Variants in ZNF831 observed in about 807,000 individuals in gnomAD.
ZNF831 encodes the protein chromosome 20 open reading frame 174.
ZNF831 carries 59 observed loss-of-function variants against 95.8 expected under a neutral mutation model. The ratio of observed to expected loss-of-function variants is 0.62; its 90% CI spans 0.50 to 0.77. The LOEUF (loss-of-function observed/expected upper bound fraction) is 0.77. Ranked by LOEUF, ZNF831 falls within the 30% of genes least tolerant of loss-of-function variation. The pLI, the probability that ZNF831 is intolerant of heterozygous loss-of-function variation, is 0.00. For synonymous variants in ZNF831, 961 were observed against 925.5 expected (o/e 1.04, Z -0.70); for missense variants, 2,205 against 2,164.0 (o/e 1.02, Z -0.38).
intron 2 of ZNF831, among the ~76,000 whole-genome samples, chr20:59,155,545 A>C (rs962574191): frequency 3.3e-5 from 5 of 152,160 alleles, no homozygotes; most frequent in Non-Finnish European, 5.9e-5. Flanking sequence ...GGGGTAGCAA[A>C]TTGGTTTTAG....
At chr20:59,162,105 A>G (rs1980908588), upstream of ZNF831, among the ~76,000 whole-genome samples, 1 of 151,912 alleles carries the variant, frequency 6.6e-6, no homozygotes, top group Non-Finnish European at 1.5e-5. Context: ...TCACTTTTTA[A>G]TGGTTTTGTT....
In ZNF831 at chr20:59,254,272, G is replaced by A. The variant is rs2146766924; in HGVS notation, c.4563G>A (p.Gly1521=). The A allele has an allele frequency of 6.2e-7, 1 of 1,614,032 alleles. No homozygotes were observed. Among genetic ancestry groups the A allele is most frequent in the Non-Finnish European group, 8.5e-7 (1 of 1,179,944 alleles). The change falls in exon 6 of 6, where the codon GGG becomes GGA. Residue 1521 remains glycine, a synonymous_variant. Transcript: ENST00000371030. This position sits in a 1 kb window ranked among gnomAD's most constrained non-coding sequence, Gnocchi z 4.5. ...CACGAGACCACAGCCAGACTGCAGGGAGGACTCTGACATCAAGCTCCCCAG... is the reference window on the plus strand; with the variant it reads ...CACGAGACCACAGCCAGACTGCAGGAAGGACTCTGACATCAAGCTCCCCAG... ...AESRDHSQTA[G]RTLTSSSPDS...
intron 1 of ZNF831, among the ~76,000 whole-genome samples, chr20:59,145,412 C>T (rs2146447897): frequency 6.6e-6 from 1 of 152,324 alleles, no homozygotes; most frequent in East Asian, 1.9e-4. Context: ...TATTGCAGGA[C>T]TTCTCAGAGC....
At chr20:59,157,939 C>G (rs1455883455) in intron 2 of ZNF831, among the ~76,000 whole-genome samples, 1 of 152,144 alleles carries the variant, frequency 6.6e-6, no homozygotes, top group Non-Finnish European at 1.5e-5. Context: ...CTTGTTGTAG[C>G]TGAAATATAA....
intron 1 of ZNF831, among the ~76,000 whole-genome samples, chr20:59,141,808 G>A (rs1979689383): frequency 6.6e-6 from 1 of 152,234 alleles, no homozygotes; most frequent in Non-Finnish European, 1.5e-5. Flanking sequence ...GTCAGCTAGA[G>A]CTGTACTGTC....
intron 1 of ZNF831, among the ~76,000 whole-genome samples, chr20:59,126,969 A>G (rs1300319013): frequency 4.6e-5 from 7 of 151,950 alleles, no homozygotes; most frequent in African/African-American, 1.7e-4. Context: ...CTCCATGTTT[A>G]TATTTCTGCC....
chr20:59,177,087 G>C (rs566059581), intron 1 of ZNF831, among the ~76,000 whole-genome samples: 1 of 152,310 alleles, frequency 6.6e-6, no homozygotes, highest in South Asian at 2.1e-4. Flanking sequence ...CTGGATGGCA[G>C]TTCTCATCCT....
intron 1 of ZNF831, among the ~76,000 whole-genome samples, chr20:59,129,776 C>G (rs973531976): frequency 1.3e-5 from 2 of 152,194 alleles, no homozygotes; most frequent in East Asian, 3.8e-4. Flanking sequence ...GAATGCTATA[C>G]ATTGACTCAC....
At chr20:59,163,414 C>T (rs748135453), upstream of ZNF831, among the ~76,000 whole-genome samples, 1 of 152,158 alleles carries the variant, frequency 6.6e-6, no homozygotes, top group Non-Finnish European at 1.5e-5. Context: ...CACCATTTTA[C>T]ATAAAGACAG....
rs1160531959 is a variant in ZNF831, at chr20:59,192,060, G to A, written c.1041G>A (p.Leu347=). The change falls in exon 2 of 6, where the codon CTG becomes CTA. Residue 347 remains leucine (L), a synonymous_variant. Coordinates refer to ENST00000371030, the MANE Select transcript of ZNF831 (RefSeq NM_178457.3). The surrounding 1 kb of genome is among the most constrained non-coding windows in gnomAD (Gnocchi z 5.2). ...RKCESTDSGY[L]SRSDSAEQPH... ...GTGAGAGCACCGACTCGGGGTACCT[G>A]TCGCGCTCCGACAGCGCGGAGCAGC... 1 of 1,607,268 alleles carries A rather than the reference G, an allele frequency of 6.2e-7. No individual in the cohort carries two copies. Among genetic ancestry groups the A allele is most frequent in the Non-Finnish European group, 8.5e-7 (1 of 1,179,036 alleles).
chr20:59,221,602 C>T (rs965080606), intron 4 of ZNF831, among the ~76,000 whole-genome samples: 6 of 152,212 alleles, frequency 3.9e-5, no homozygotes, highest in African/African-American at 1.4e-4. Flanking sequence ...CCCGTGGGGT[C>T]AGGAGGTGAT....
intron 1 of ZNF831, among the ~76,000 whole-genome samples, chr20:59,176,531 C>T (rs539459691): frequency 5.3e-5 from 8 of 152,204 alleles, no homozygotes; most frequent in Non-Finnish European, 1.2e-4. Flanking sequence ...CTCTTGCCAC[C>T]TGTCAGTCTG....
At chr20:59,197,963 C>A (rs923662049) in intron 3 of ZNF831, among the ~76,000 whole-genome samples, 1 of 152,098 alleles carries the variant, frequency 6.6e-6, no homozygotes, top group Admixed American at 6.5e-5. Context: ...AGTTGATGAG[C>A]CTGAAGCCTC....
chr20:59,192,665 G>A lies in ZNF831; in HGVS notation c.1646G>A (p.Ser549Asn), dbSNP rs2146569330. 1.3e-6 allele frequency: 2 copies of A among 1,539,206 alleles called. No individual in the cohort carries two copies. Among genetic ancestry groups the A allele is most frequent in the Non-Finnish European group, 1.7e-6 (2 of 1,144,380 alleles). Residue 549 changes from serine (S) to asparagine (N), a missense_variant, in exon 2 of 6, where the codon AGC becomes AAC. Transcript: ENST00000371030. This position sits in a 1 kb window ranked among gnomAD's most constrained non-coding sequence, Gnocchi z 5.2. ...CGCCTGGGCTGCCGCTCGGGACTAA[G>A]CTCGACTGACGTTCCCAGTGGGCAT... ...PARLGCRSGL[S>N]STDVPSGHPR...
rs115193355 is a variant in ZNF831 at position 59,125,512 on chromosome 20, C to T, written c.-1425+2007C>T. Among the ~76,000 whole-genome samples, 1,125 of 152,234 alleles carry T rather than the reference C, an allele frequency of 7.4e-3. 15 individuals are homozygous for T. Among genetic ancestry groups the T allele is most frequent in the African/African-American group, 0.025 (1,047 of 41,532 alleles). On this transcript the variant is annotated intron_variant, in intron 1 of 7. Transcript: ENST00000637017. The stretch of plus-strand genomic sequence containing the variant: ...CCCAGGCACTTCGTGTGCATACTGA[C>T]GTCTGAGAAGCTCCGCCGATGGGTT...
intron 4 of ZNF831, among the ~76,000 whole-genome samples, chr20:59,233,257 C>T (rs1289823326): frequency 6.6e-6 from 1 of 152,112 alleles, no homozygotes; most frequent in African/African-American, 2.4e-5. Context: ...TCTTCCCTTC[C>T]CATTCAGTAC....
chr20:59,153,436 G>T (rs1248162149), intron 2 of ZNF831, among the ~76,000 whole-genome samples: 2 of 152,264 alleles, frequency 1.3e-5, no homozygotes, highest in African/African-American at 4.8e-5. Context: ...CCTGGGAGCG[G>T]AAGGCTTGGC....
intron 2 of ZNF831, among the ~76,000 whole-genome samples, chr20:59,152,395 G>A (rs1281530883): frequency 6.6e-6 from 1 of 152,074 alleles, no homozygotes; most frequent in Non-Finnish European, 1.5e-5. Flanking sequence ...GGTGGATTTT[G>A]GGTTTGTGGA....
intron 4 of ZNF831, among the ~76,000 whole-genome samples, chr20:59,238,614 A>G (rs965937427): frequency 6.6e-6 from 1 of 152,230 alleles, no homozygotes; most frequent in Non-Finnish European, 1.5e-5. Flanking sequence ...ACATGGAAGA[A>G]GAAGGCTTAA....
Sources: gnomAD v4.1 joint callset for allele counts (sites outside exome capture counted in the v4.1 genomes callset) on GRCh38, gnomAD v4.1.1 for gene constraint, Gnocchi (gnomAD v3.1) non-coding constraint, MANE v1.5 for transcripts, NCBI Gene and HGNC (gene_info 2026-07-23, HGNC 2026-07-21) for gene names.